ATP5F1A: variants seen among roughly 807,000 people sequenced by gnomAD.
The protein encoded by ATP5F1A is ATP synthase F1 subunit alpha.
A neutral mutation model predicts 57.4 loss-of-function variants in ATP5F1A; 24 were observed. The observed-to-expected ratio is 0.42, with a 90% confidence interval of 0.30 to 0.59. The LOEUF (loss-of-function observed/expected upper bound fraction) is 0.59. ATP5F1A is among the 20% of genes least tolerant of loss of function. ATP5F1A has a pLI of 0.19. For missense variants in ATP5F1A, 494 were observed against 707.9 expected, an observed-to-expected ratio of 0.70 and a Z score of 3.43; for synonymous variants, 251 against 255.5, an observed-to-expected ratio of 0.98 and a Z score of 0.17.
chr18:46,100,959 G>A (rs768688031), upstream of ATP5F1A, among the ~76,000 whole-genome samples: 1 of 152,122 alleles, frequency 6.6e-6, no homozygotes, highest in Non-Finnish European at 1.5e-5. Context: ...TGTAATCCCA[G>A]CTACTTGGGA....
rs201620172 is a variant in ATP5F1A, at chr18:46,088,116, T to G, written c.792A>C (p.Thr264=). 2.0e-5 allele frequency: 32 copies of G among 1,595,970 alleles called. No individual in the cohort carries two copies. Among genetic ancestry groups the G allele is most frequent in the African/African-American group, 2.7e-5 (2 of 73,784 alleles). Residue 264 remains threonine (T), a synonymous_variant, in exon 6 of 12, where the codon ACA becomes ACC. Transcript: ENST00000398752. ...STVAQLVKRL[T]DADAMKYTIV... is the part of the protein sequence containing the mutation. ...CTAAATTTCTTTTAATACCTGCATCTGTAAGTCTCTTCACCAACTGGGCAA... is the reference window on the plus strand; with the variant it reads ...CTAAATTTCTTTTAATACCTGCATCGGTAAGTCTCTTCACCAACTGGGCAA...
chr18:46,085,848 G>T (rs995854455), intron 10 of ATP5F1A: 3 of 392,054 alleles, frequency 7.7e-6, no homozygotes, highest in African/African-American at 2.1e-5. Flanking sequence ...CAGGAGAATC[G>T]CGTGAATCCA....
At position 46,081,480 on chromosome 18, in the gene ATP5F1A, C is replaced by G. The variant is rs9304328; in HGVS notation, c.*2802G>C. The stretch of plus-strand genomic sequence containing the variant: ...AGGAGTTTGAGACCAGCCTGACCAA[C>G]ATGGAGAAACCCCATCTCTACTAAA... On this transcript the variant is annotated 3_prime_UTR_variant, in exon 12 of 12. Coordinates refer to ENST00000398752, the MANE Select transcript of ATP5F1A (RefSeq NM_004046.6). The G allele has an allele frequency of 0.38, 58,059 of 150,944 alleles. 11,473 individuals carry two copies. The highest frequency in any genetic ancestry group is 0.52 in the Middle Eastern group (149 of 288). The allele number at this position is 150,944 out of a possible 1,614,324, so 9.4% of individuals were successfully genotyped here.
chr18:46,092,163 G>A (rs1910604201), intron 2 of ATP5F1A: 1 of 147,292 alleles, frequency 6.8e-6, no homozygotes, highest in Non-Finnish European at 1.5e-5. Flanking sequence ...GGTAACAAGG[G>A]CAAAAACTCC....
intron 3 of ATP5F1A, 50 bp from the exon 4 acceptor site, chr18:46,090,046 C>G: frequency 1.5e-6 from 2 of 1,315,250 alleles, no homozygotes; most frequent in Non-Finnish European, 2.0e-6. Context: ...GGGCACTCCT[C>G]CCCATACACC....
intron 4 of ATP5F1A, 25 bp from the exon 5 acceptor site, chr18:46,089,757 C>A (rs745621903): frequency 6.2e-7 from 1 of 1,612,810 alleles, no homozygotes; most frequent in Non-Finnish European, 8.5e-7. Flanking sequence ...AAAGAAAAAC[C>A]CTAAGCATAA....
rs1909883193 is a variant in ATP5F1A at position 46,083,586 on chromosome 18, C to T, written c.*696G>A. ...CCTACAGTACCTCTTTATGCAGGTACATCCTCTGGGCAGAGAAGCCAGCTA... is the reference window on the plus strand; with the variant it reads ...CCTACAGTACCTCTTTATGCAGGTATATCCTCTGGGCAGAGAAGCCAGCTA... On this transcript the variant is annotated 3_prime_UTR_variant, in exon 12 of 12. Transcript: ENST00000398752. 6.6e-6 allele frequency: 1 copy of T among 152,212 alleles called. No homozygotes were observed. Among genetic ancestry groups the T allele is most frequent in the African/African-American group, 2.4e-5 (1 of 41,444 alleles). The allele number at this position is 152,212 out of a possible 1,614,324, so 9.4% of individuals were successfully genotyped here. A position where few individuals can be genotyped will look rare whatever the true frequency, so the allele number is the denominator to read the frequency against.
At chr18:46,100,251 T>TAAAAAAAAAAAAAAAAAAAAAAA (rs34683117), upstream of ATP5F1A, among the ~76,000 whole-genome samples, 13 of 68,610 alleles carry the variant, frequency 1.9e-4, no homozygotes, top group East Asian at 4.1e-4. Flanking sequence ...AAACTCCATC[T>TAAAAAAAAAAAAAAAAAAAAAAA]AAAAAAAAAA....
intron 6 of ATP5F1A, 67 bp from the exon 7 acceptor site, chr18:46,087,559 A>C (rs938574811): frequency 3.3e-5 from 51 of 1,548,412 alleles, no homozygotes; most frequent in Non-Finnish European, 4.2e-5. Flanking sequence ...TATAAAAATT[A>C]CCTAAGTGCT....
intron 1 of ATP5F1A, among the ~76,000 whole-genome samples, chr18:46,095,379 T>C (rs35515111): frequency 6.6e-6 from 1 of 152,036 alleles, no homozygotes; most frequent in Non-Finnish European, 1.5e-5. Flanking sequence ...ATTATTATTG[T>C]TTTTTTGAGA....
rs867718785 is a variant in ATP5F1A at position 46,089,731 on chromosome 18, C to A, written c.485G>T (p.Gly162Val). ...CCTACGCGTCTTGGAACCAATTGGA[C>A]CCTGTTAAAAAATAAAAAGAAAAAC... ...DALGNAIDGK[G>V]PIGSKTRRRV... The change falls in exon 5 of 12, where the codon GGT becomes GTT. Residue 162 changes from glycine (G) to valine (V), a missense_variant and splice_region_variant. Coordinates refer to ENST00000398752, the MANE Select transcript of ATP5F1A (RefSeq NM_004046.6). The A allele has an allele frequency of 6.2e-7, 1 of 1,613,432 alleles. No individual in the cohort carries two copies. The highest frequency in any genetic ancestry group is 8.5e-7 in the Non-Finnish European group (1 of 1,179,844).
chr18:46,094,827 A>C (rs901238154), intron 2 of ATP5F1A: 1 of 511,512 alleles, frequency 2.0e-6, no homozygotes, highest in African/African-American at 2.0e-5. Context: ...CAGAACAAAG[A>C]AGCCATACTA....
intron 3 of ATP5F1A, among the ~76,000 whole-genome samples, chr18:46,090,421 C>T (rs936844490): frequency 1.4e-4 from 21 of 152,168 alleles, no homozygotes; most frequent in African/African-American, 5.1e-4. Context: ...GCTCCATAAA[C>T]AGTTTCAAAA....
In ATP5F1A at chr18:46,084,006, A is replaced by AC. The variant is rs1909907264; in HGVS notation, c.*275dup. On this transcript the variant is annotated 3_prime_UTR_variant, in exon 12 of 12. Transcript: ENST00000398752. ...TCTCAAAAAAAAAAACAAAAAAAAAACTTACAAAGAGCTCAGCCTTGAATT... is the reference window on the plus strand; with the variant it reads ...TCTCAAAAAAAAAAACAAAAAAAAAACCTTACAAAGAGCTCAGCCTTGAATT... 3.9e-6 allele frequency: 1 copy of AC among 254,100 alleles called. No homozygotes were observed. The highest frequency in any genetic ancestry group is 2.3e-5 in the African/African-American group (1 of 44,206). The allele number at this position is 254,100 out of a possible 1,614,324, so 15.7% of individuals were successfully genotyped here.
Position 46,081,226 on chromosome 18 carries a change from G to C in ATP5F1A, c.*3056C>G, listed in dbSNP as rs1322349193. ...TGGACAAACATGGTTGTCTTCATTT[G>C]AGAAGTTTATTGAGCATTTACGTGC... On this transcript the variant is annotated 3_prime_UTR_variant, in exon 12 of 12. Transcript: ENST00000398752. 1 of 150,194 alleles carries C rather than the reference G, an allele frequency of 6.7e-6. No homozygotes were observed. Among genetic ancestry groups the C allele is most frequent in the Admixed American group, 6.7e-5 (1 of 14,912 alleles). The allele number at this position is 150,194 out of a possible 1,614,324, so 9.3% of individuals were successfully genotyped here.
At chr18:46,096,181 A>C (rs1599790024) in intron 1 of ATP5F1A, among the ~76,000 whole-genome samples, 1 of 151,218 alleles carries the variant, frequency 6.6e-6, no homozygotes, top group Admixed American at 6.6e-5. Context: ...CAGCCACTGC[A>C]CCCGGCCTGG....
Position 46,088,231 on chromosome 18 carries a change from A to G in ATP5F1A, c.677T>C (p.Ile226Thr). The change falls in exon 6 of 12, where the codon ATC (isoleucine) becomes ACC (threonine). Residue 226 changes from isoleucine to threonine, a missense_variant. Physicochemically the swap from Ile to Thr is moderately conservative, Grantham distance 89 (BLOSUM62 -1). Around this residue, in one of 6 missense-constraint regions of ATP5F1A, gnomAD observed 191 missense variants for 267.7 expected, o/e 0.71. Transcript: ENST00000398752. Reference protein sequence around the residue: ...TGKTSIAIDTIINQKRFNDGS... With the variant: ...TGKTSIAIDTTINQKRFNDGS... Reference sequence around the variant, plus strand: ...ATCATTGAAACGTTTCTGGTTAATGATTGTGTCAATAGCAATTGAGGTTTT... The same window carrying G: ...ATCATTGAAACGTTTCTGGTTAATGGTTGTGTCAATAGCAATTGAGGTTTT... 6.3e-7 allele frequency: 1 copy of G among 1,589,766 alleles called. No individual in the cohort carries two copies. Among genetic ancestry groups the G allele is most frequent in the Non-Finnish European group, 8.5e-7 (1 of 1,174,390 alleles).
chr18:46,104,196 C>G (rs1599801117), exon 1 of ATP5F1A: 1 of 410,226 alleles, frequency 2.4e-6, no homozygotes, highest in East Asian at 3.6e-5. Context: ...GCGGGAAGAG[C>G]TGGGAAGTGG....
chr18:46,082,455 G>A lies in ATP5F1A; in HGVS notation c.*1827C>T, dbSNP rs1338312787. ...AATCCCAGCACTGTGGGAGGCCAAG[G>A]CAGGCAGATCACAAGGTCAGGAGTT... On this transcript the variant is annotated 3_prime_UTR_variant, in exon 12 of 12. Transcript: ENST00000398752. 6.6e-6 allele frequency: 1 copy of A among 150,922 alleles called. No homozygotes were observed. The highest frequency in any genetic ancestry group is 2.0e-4 in the East Asian group (1 of 5,098). The allele number at this position is 150,922 out of a possible 1,614,324, so 9.3% of individuals were successfully genotyped here. A position where few individuals can be genotyped will look rare whatever the true frequency, so the allele number is the denominator to read the frequency against.
Sources: gnomAD v4.1 joint callset for allele counts (sites outside exome capture counted in the v4.1 genomes callset) on GRCh38, gnomAD v4.1.1 for gene constraint, gnomAD v4.1.1 regional missense constraint, MANE v1.5 for transcripts, NCBI Gene and HGNC (gene_info 2026-07-23, HGNC 2026-07-21) for gene names.